The following LRRTM3 variants were observed in gnomAD, a reference collection of about 807,000 sequenced individuals.
The protein encoded by LRRTM3 is leucine-rich repeat transmembrane neuronal protein 3.
LRRTM3 carries 24 observed loss-of-function variants against 44.7 expected under a neutral mutation model. That is an observed-to-expected ratio of 0.54 (90% CI 0.39 to 0.76). LRRTM3 has a LOEUF of 0.76. Ranked by LOEUF, LRRTM3 falls within the 30% of genes least tolerant of loss-of-function variation. The probability of loss-of-function intolerance (pLI) is 0.00; values close to 1 mark genes in which losing one functional copy is unlikely to be tolerated. For synonymous variants in LRRTM3, 277 were observed against 278.7 expected, an observed-to-expected ratio of 0.99 and a Z score of 0.06; for missense variants, 587 against 702.2, an observed-to-expected ratio of 0.84 and a Z score of 1.85.
At chr10:66,998,012 C>T (rs747623509) in intron 2 of LRRTM3, among the ~76,000 whole-genome samples, 3 of 152,194 alleles carry the variant, frequency 2.0e-5, no homozygotes, top group Non-Finnish European at 2.9e-5. Context: ...AACTGGCCTC[C>T]CTGCCCACCA....
intron 2 of LRRTM3, among the ~76,000 whole-genome samples, chr10:67,045,770 C>T (rs1488946147): frequency 6.6e-6 from 1 of 152,096 alleles, no homozygotes; most frequent in Non-Finnish European, 1.5e-5. Context: ...AGAAACCGAA[C>T]TGGAGAAAGT....
intron 2 of LRRTM3, among the ~76,000 whole-genome samples, chr10:67,096,707 T>G (rs530924866): frequency 6.6e-6 from 1 of 152,016 alleles, no homozygotes; most frequent in African/African-American, 2.4e-5. Flanking sequence ...GTTTCCCTTC[T>G]CACCATGGTC....
chr10:66,981,882 C>T (rs927400558), intron 2 of LRRTM3, among the ~76,000 whole-genome samples: 5 of 152,194 alleles, frequency 3.3e-5, no homozygotes, highest in African/African-American at 4.8e-5. Flanking sequence ...CACTTACTTG[C>T]TCCCAAAGTT....
chr10:67,019,950 T>C (rs1852894997), intron 2 of LRRTM3, among the ~76,000 whole-genome samples: 1 of 152,182 alleles, frequency 6.6e-6, no homozygotes, highest in Non-Finnish European at 1.5e-5. Flanking sequence ...ACGTCACTTG[T>C]TTAATTTGCT....
At chr10:66,971,793 G>T (rs1849738242) in intron 2 of LRRTM3, among the ~76,000 whole-genome samples, 1 of 151,934 alleles carries the variant, frequency 6.6e-6, no homozygotes, top group African/African-American at 2.4e-5. Flanking sequence ...AATTACAAGA[G>T]ACCCTGTCAT....
intron 2 of LRRTM3, among the ~76,000 whole-genome samples, chr10:66,976,467 C>T (rs551464181): frequency 3.1e-4 from 47 of 152,234 alleles, no homozygotes; most frequent in African/African-American, 1.1e-3. Context: ...ATCTCTTTTT[C>T]TATAGATTAC....
chr10:66,933,842 T>C (rs1847542908), intron 2 of LRRTM3, among the ~76,000 whole-genome samples: 1 of 152,186 alleles, frequency 6.6e-6, no homozygotes, highest in Middle Eastern at 3.2e-3. Flanking sequence ...CTCTTACCAA[T>C]ATGAAGTAGC....
chr10:67,091,322 A>T (rs549009748), intron 2 of LRRTM3, among the ~76,000 whole-genome samples: 2 of 152,104 alleles, frequency 1.3e-5, no homozygotes, highest in South Asian at 4.1e-4. Context: ...GAGAATTTAA[A>T]GACAGTGTGA....
At chr10:67,007,149 G>A (rs1852043384) in intron 2 of LRRTM3, among the ~76,000 whole-genome samples, 1 of 152,104 alleles carries the variant, frequency 6.6e-6, no homozygotes, top group African/African-American at 2.4e-5. Flanking sequence ...AGGTTCAAGA[G>A]CATTGTCAAT....
intron 2 of LRRTM3, among the ~76,000 whole-genome samples, chr10:67,057,091 TAGCTGATCTA>T (rs1297653520): frequency 6.6e-6 from 1 of 152,218 alleles, no homozygotes; most frequent in Non-Finnish European, 1.5e-5. Context: ...TTAGAAAAGT[TAGCTGATCTA>T]AAACATTGTC....
chr10:66,987,466 G>A (rs944588523), intron 2 of LRRTM3, among the ~76,000 whole-genome samples: 1 of 152,140 alleles, frequency 6.6e-6, no homozygotes, highest in Non-Finnish European at 1.5e-5. Context: ...TGGGGTCTTA[G>A]CAATCCGAGA....
chr10:66,970,501 GT>G (rs929296747), intron 2 of LRRTM3, among the ~76,000 whole-genome samples: 12 of 126,504 alleles, frequency 9.5e-5, no homozygotes, highest in African/African-American at 3.1e-4. Flanking sequence ...ATATTCTTGG[GT>G]GGGGGGGGGA....
At chr10:66,939,515 T>A (rs1847888192) in intron 2 of LRRTM3, among the ~76,000 whole-genome samples, 1 of 152,206 alleles carries the variant, frequency 6.6e-6, no homozygotes, top group Non-Finnish European at 1.5e-5. Flanking sequence ...TCAACTCTTT[T>A]GTTTGGGCCT....
At chr10:67,075,136 A>G (rs1220373772) in intron 2 of LRRTM3, among the ~76,000 whole-genome samples, 1 of 150,338 alleles carries the variant, frequency 6.7e-6, no homozygotes, top group Non-Finnish European at 1.5e-5. Flanking sequence ...AGGGATACAA[A>G]TTTGGTTGTT....
chr10:66,943,319 T>G (rs1848113913), intron 2 of LRRTM3, among the ~76,000 whole-genome samples: 2 of 152,186 alleles, frequency 1.3e-5, no homozygotes, highest in Admixed American at 6.6e-5. Flanking sequence ...GACTTTGAAG[T>G]GTTAAATCTT....
intron 2 of LRRTM3, chr10:67,013,055 C>T (rs1399853252): frequency 6.6e-6 from 1 of 152,130 alleles, no homozygotes; most frequent in Non-Finnish European, 1.5e-5. Context: ...TACTGTTATA[C>T]ATATTATTAT....
intron 2 of LRRTM3, among the ~76,000 whole-genome samples, chr10:66,937,518 T>C (rs2132665365): frequency 6.6e-6 from 1 of 152,286 alleles, no homozygotes. Flanking sequence ...CACTACCTAT[T>C]TTTATTTTGA....
intron 2 of LRRTM3, among the ~76,000 whole-genome samples, chr10:66,958,568 ATAAG>A (rs928919478): frequency 5.9e-5 from 9 of 152,178 alleles, no homozygotes; most frequent in Non-Finnish European, 1.0e-4. Context: ...AAAGAATTCA[ATAAG>A]TAAGTAAGCG....
chr10:67,090,074 G>T (rs916385967), intron 2 of LRRTM3, among the ~76,000 whole-genome samples: 2 of 152,066 alleles, frequency 1.3e-5, no homozygotes, highest in East Asian at 3.9e-4. Context: ...GAAAATATCT[G>T]CCAATTTCTA....
Sources: gnomAD v4.1 joint callset for allele counts (sites outside exome capture counted in the v4.1 genomes callset) on GRCh38, gnomAD v4.1.1 for gene constraint, MANE v1.5 for transcripts, NCBI Gene and HGNC (gene_info 2026-07-23, HGNC 2026-07-21) for gene names.